The following GALNT17 variants were observed in gnomAD, a reference collection of about 807,000 sequenced individuals.
GALNT17 encodes the protein polypeptide N-acetylgalactosaminyltransferase 17, also known as UDP-GalNAc:polypeptide N-acetylgalactosaminyltransferase-like 3.
A neutral mutation model predicts 63.7 loss-of-function variants in GALNT17; 29 were observed. The ratio of observed to expected loss-of-function variants is 0.46; its 90% CI spans 0.34 to 0.62. The LOEUF (loss-of-function observed/expected upper bound fraction) is 0.62, where lower values mean the gene tolerates loss of function less well. Among genes scored for constraint, GALNT17 ranks in the 20% least tolerant of loss-of-function variants. The probability of loss-of-function intolerance (pLI) is 0.01; values close to 1 mark genes in which losing one functional copy is unlikely to be tolerated. For missense variants in GALNT17, 603 were observed against 799.6 expected, an observed-to-expected ratio of 0.75 and a Z score of 2.97; for synonymous variants, 305 against 318.3, an observed-to-expected ratio of 0.96 and a Z score of 0.45.
chr7:71,550,773 A>G (rs893715911), intron 5 of GALNT17, among the ~76,000 whole-genome samples: 1 of 152,186 alleles, frequency 6.6e-6, no homozygotes, highest in African/African-American at 2.4e-5. Flanking sequence ...ATCCCAATTG[A>G]TATAAATTTA....
At chr7:71,286,653 C>G (rs1308323513) in intron 1 of GALNT17, among the ~76,000 whole-genome samples, 1 of 152,140 alleles carries the variant, frequency 6.6e-6, no homozygotes, top group African/African-American at 2.4e-5. Flanking sequence ...GATGCTAGCT[C>G]CAACATGAAC....
At chr7:71,509,090 G>A (rs1445342381) in intron 5 of GALNT17, among the ~76,000 whole-genome samples, 1 of 152,202 alleles carries the variant, frequency 6.6e-6, no homozygotes, top group African/African-American at 2.4e-5. Flanking sequence ...TTGCAAGGGT[G>A]TGAAAGCAAT....
At chr7:71,249,516 G>A (rs77739952) in intron 1 of GALNT17, among the ~76,000 whole-genome samples, 2 of 152,150 alleles carry the variant, frequency 1.3e-5, no homozygotes, top group Admixed American at 1.3e-4. Context: ...GATGAAATAA[G>A]CAATGCTTCA....
chr7:71,146,220 C>T (rs964796553), intron 1 of GALNT17, among the ~76,000 whole-genome samples: 3 of 152,014 alleles, frequency 2.0e-5, no homozygotes, highest in African/African-American at 7.2e-5. Context: ...ATTTGTTCCT[C>T]CCCGGGTGCC....
intron 6 of GALNT17, among the ~76,000 whole-genome samples, chr7:71,573,578 C>T (rs1203669648): frequency 6.6e-6 from 1 of 152,102 alleles, no homozygotes; most frequent in Non-Finnish European, 1.5e-5. Flanking sequence ...TTGTGATCTG[C>T]CCACCTCAGC....
intron 9 of GALNT17, among the ~76,000 whole-genome samples, chr7:71,680,792 CCTTCCTTCCTTCCTTT>C (rs1411839341): frequency 7.0e-6 from 1 of 143,882 alleles, no homozygotes; most frequent in Non-Finnish European, 1.5e-5. Flanking sequence ...CTTTTCCCTT[CCTTCCTTCCTTCCTTT>C]CTTCCTTCCT....
intron 5 of GALNT17, among the ~76,000 whole-genome samples, chr7:71,473,535 G>A (rs985438560): frequency 5.9e-5 from 9 of 152,184 alleles, no homozygotes; most frequent in Non-Finnish European, 1.0e-4. Flanking sequence ...GCCACAGTGA[G>A]TCTGTTTTCT....
At chr7:71,189,027 T>C (rs1788903294) in intron 1 of GALNT17, among the ~76,000 whole-genome samples, 5 of 152,120 alleles carry the variant, frequency 3.3e-5, no homozygotes, top group Admixed American at 3.3e-4. Flanking sequence ...ACAAAAGAGC[T>C]TGTTGCTTTT....
intron 1 of GALNT17, among the ~76,000 whole-genome samples, chr7:71,148,856 A>ATT (rs58468895): frequency 2.0e-5 from 2 of 100,762 alleles, no homozygotes; most frequent in East Asian, 2.6e-4. Context: ...GTATTATGGT[A>ATT]TTTTTATATA....
At chr7:71,456,856 A>G (rs1441214048) in intron 5 of GALNT17, among the ~76,000 whole-genome samples, 4 of 152,156 alleles carry the variant, frequency 2.6e-5, no homozygotes, top group East Asian at 1.9e-4. Flanking sequence ...GCTTACTTTT[A>G]TACATTTTAG....
chr7:71,459,105 A>G (rs1041933392), intron 5 of GALNT17, among the ~76,000 whole-genome samples: 2 of 152,226 alleles, frequency 1.3e-5, no homozygotes, highest in African/African-American at 4.8e-5. Context: ...CTTAAAAAAA[A>G]AACACCTTTC....
chr7:71,195,270 C>T (rs1201597720), intron 1 of GALNT17, among the ~76,000 whole-genome samples: 1 of 152,170 alleles, frequency 6.6e-6, no homozygotes, highest in Non-Finnish European at 1.5e-5. Flanking sequence ...CGCTGGAGTG[C>T]ATTGGCATGA....
chr7:71,379,007 A>G (rs1282591128), intron 2 of GALNT17, among the ~76,000 whole-genome samples: 1 of 152,056 alleles, frequency 6.6e-6, no homozygotes, highest in Non-Finnish European at 1.5e-5. Context: ...ATCTCTAAAA[A>G]AGAAAAAAAG....
chr7:71,701,898 CAT>C (rs200402254), intron 9 of GALNT17, among the ~76,000 whole-genome samples: 2,316 of 101,238 alleles, frequency 0.023, 116 homozygotes, highest in African/African-American at 0.093. Context: ...TATATATACA[CAT>C]ATATATATAT....
intron 5 of GALNT17, among the ~76,000 whole-genome samples, chr7:71,559,594 G>A (rs754347620): frequency 9.2e-5 from 14 of 152,268 alleles, no homozygotes; most frequent in Middle Eastern, 3.4e-3. Context: ...AGGCGCAGTG[G>A]CTCACAGCTT....
intron 1 of GALNT17, among the ~76,000 whole-genome samples, chr7:71,321,902 C>CCTTCCTTCCTTCCTTCTTTT (rs1791616876): frequency 1.0e-4 from 7 of 70,006 alleles, no homozygotes; most frequent in Admixed American, 3.5e-4. Context: ...TTCCTTCCTT[C>CCTTCCTTCCTTCCTTCTTTT]CTTCCTTCCT....
chr7:71,480,557 A>G (rs1191504555), intron 5 of GALNT17, among the ~76,000 whole-genome samples: 1 of 152,120 alleles, frequency 6.6e-6, no homozygotes, highest in Non-Finnish European at 1.5e-5. Context: ...CCCAGGCTGG[A>G]GTGCAATGGC....
Position 71,144,298 on chromosome 7 carries a change from G to A in GALNT17, c.238+11258G>A, listed in dbSNP as rs555997737. 5.9e-5 allele frequency among the ~76,000 whole-genome samples: 9 copies of A among 152,216 alleles called. No individual in the cohort carries two copies. The East Asian group carries it at 1.5e-3, about 26-fold the overall frequency. ...TCTGTGGCATCCACCAGCAACCCCC[G>A]AGGGTGGATGAGCTTATTCCTGGGG... is the stretch of plus-strand genomic sequence containing the variant. On this transcript the variant is annotated intron_variant, in intron 1 of 10. Transcript: ENST00000333538.
intron 1 of GALNT17, among the ~76,000 whole-genome samples, chr7:71,324,911 A>G (rs1387255222): frequency 6.6e-6 from 1 of 152,182 alleles, no homozygotes; most frequent in Non-Finnish European, 1.5e-5. Context: ...TATCACTAAT[A>G]ATTGTATCCA....
Sources: allele counts gnomAD v4.1 joint callset (sites outside exome capture counted in the v4.1 genomes callset), GRCh38; gene constraint gnomAD v4.1.1; transcripts MANE v1.5; gene names NCBI Gene and HGNC (gene_info 2026-07-23, HGNC 2026-07-21).